The following KCND3 variants were observed in gnomAD, a reference collection of about 807,000 sequenced individuals.
KCND3 encodes A-type voltage-gated potassium channel KCND3.
KCND3 carries 9 observed loss-of-function variants against 51.1 expected under a neutral mutation model. That is an observed-to-expected ratio of 0.18 (90% CI 0.11 to 0.31). The LOEUF (loss-of-function observed/expected upper bound fraction) is 0.31. Among genes scored for constraint, KCND3 ranks in the 10% least tolerant of loss-of-function variants. The pLI, the probability that KCND3 is intolerant of heterozygous loss-of-function variation, is 1.00. For synonymous variants in KCND3, 349 were observed against 368.0 expected (o/e 0.95, Z 0.59); for missense variants, 526 against 903.8 (o/e 0.58, Z 5.36).
intron 2 of KCND3, among the ~76,000 whole-genome samples, chr1:111,902,047 G>C (rs1395564100): frequency 1.3e-5 from 2 of 152,196 alleles, no homozygotes; most frequent in Non-Finnish European, 2.9e-5. Flanking sequence ...AAAAATGCTT[G>C]AGGATTCAGA....
In KCND3 at chr1:111,981,478, G is replaced by C. The variant is rs1363985541; in HGVS notation, c.1106+143C>G. 8.2e-7 allele frequency: 1 copy of C among 1,221,176 alleles called. No individual in the cohort carries two copies. Among genetic ancestry groups the C allele is most frequent in the African/African-American group, 1.5e-5 (1 of 67,200 alleles). The allele number at this position is 1,221,176 out of a possible 1,614,324, so 75.6% of individuals were successfully genotyped here. Reference sequence around the variant, plus strand: ...AGATGACTCATGGGCTTTACCCTTCGGATAGAGCAACTTCCCCTGCCCCCA... The same window carrying C: ...AGATGACTCATGGGCTTTACCCTTCCGATAGAGCAACTTCCCCTGCCCCCA... On this transcript the variant is annotated intron_variant, in intron 2 of 7. Transcript: ENST00000302127. This position sits in a 1 kb window ranked among gnomAD's most constrained non-coding sequence, Gnocchi z 6.2.
chr1:111,852,965 G>A (rs1487883579), intron 2 of KCND3, among the ~76,000 whole-genome samples: 1 of 152,166 alleles, frequency 6.6e-6, no homozygotes, highest in Non-Finnish European at 1.5e-5. Flanking sequence ...GGTCCTCCAC[G>A]GTGATGTGAT....
chr1:111,934,502 G>A (rs568597043), intron 2 of KCND3, among the ~76,000 whole-genome samples: 30 of 152,346 alleles, frequency 2.0e-4, no homozygotes, highest in African/African-American at 7.2e-4. Flanking sequence ...GAAAGCGGTT[G>A]TCTAAATTAA....
At chr1:111,881,225 T>C (rs1303343885) in intron 2 of KCND3, among the ~76,000 whole-genome samples, 2 of 152,204 alleles carry the variant, frequency 1.3e-5, no homozygotes, top group Non-Finnish European at 2.9e-5. Context: ...CCCACCTCCA[T>C]CTTTTTTTAA....
intron 2 of KCND3, among the ~76,000 whole-genome samples, chr1:111,848,879 C>T (rs892220066): frequency 6.6e-6 from 1 of 152,182 alleles, no homozygotes; most frequent in African/African-American, 2.4e-5. Context: ...GCGCTGGCTG[C>T]CTCATCCACA....
intron 2 of KCND3, among the ~76,000 whole-genome samples, chr1:111,905,901 C>T (rs1343236674): frequency 2.0e-5 from 3 of 152,192 alleles, no homozygotes; most frequent in Admixed American, 6.5e-5. Flanking sequence ...GGACCATGTG[C>T]CTGCAGCATT....
intron 2 of KCND3, among the ~76,000 whole-genome samples, chr1:111,905,671 G>A (rs17029031): frequency 7.2e-5 from 11 of 152,208 alleles, no homozygotes; most frequent in African/African-American, 2.6e-4. Flanking sequence ...TCTGGGAGTC[G>A]CGTATAAAAC....
intron 2 of KCND3, among the ~76,000 whole-genome samples, chr1:111,883,154 C>T (rs58353271): frequency 0.098 from 14,966 of 152,312 alleles, 756 homozygotes; most frequent in East Asian, 0.18. Flanking sequence ...CTTCCAGCCC[C>T]AACTCCCGTG....
At chr1:111,795,403 A>C (rs908186277) in intron 2 of KCND3, among the ~76,000 whole-genome samples, 2 of 152,232 alleles carry the variant, frequency 1.3e-5, no homozygotes, top group African/African-American at 4.8e-5. Context: ...CACAGTGGCA[A>C]TTCAGTAATA....
chr1:111,846,477 T>A (rs762260644), intron 2 of KCND3, among the ~76,000 whole-genome samples: 3 of 152,040 alleles, frequency 2.0e-5, no homozygotes, highest in Non-Finnish European at 2.9e-5. Flanking sequence ...CAGCCAATGT[T>A]ACCTGGGGGT....
At chr1:111,866,909 T>G (rs6677695) in intron 2 of KCND3, among the ~76,000 whole-genome samples, 4,292 of 152,310 alleles carry the variant, frequency 0.028, 200 homozygotes, top group African/African-American at 0.096. Flanking sequence ...GGATTAAATA[T>G]GCAGCTTCCC....
chr1:111,782,799 C>G (rs888531669), intron 3 of KCND3, among the ~76,000 whole-genome samples: 1 of 152,140 alleles, frequency 6.6e-6, no homozygotes, highest in Non-Finnish European at 1.5e-5. Context: ...TCTATTAAAG[C>G]AACAGATTGT....
chr1:111,776,983 G>A (rs1205466803), intron 7 of KCND3, 43 bp downstream of exon 7: 11 of 1,611,856 alleles, frequency 6.8e-6, no homozygotes, highest in Non-Finnish European at 9.3e-6. Context: ...CTGTGAATGG[G>A]ATGATTCGAG....
intron 6 of KCND3, 149 bp from the exon 7 acceptor site, chr1:111,777,422 G>T: frequency 2.4e-6 from 2 of 831,774 alleles, no homozygotes; most frequent in Admixed American, 3.8e-5. Context: ...TTCAGGAGGG[G>T]TGATGTCCCA....
chr1:111,840,453 C>T (rs976587872), intron 2 of KCND3, among the ~76,000 whole-genome samples: 2 of 152,046 alleles, frequency 1.3e-5, no homozygotes, highest in Non-Finnish European at 2.9e-5. Flanking sequence ...AAGTCTCCAA[C>T]CCCCTCTAAA....
At chr1:111,860,704 G>A (rs551730499) in intron 2 of KCND3, among the ~76,000 whole-genome samples, 1 of 152,312 alleles carries the variant, frequency 6.6e-6, no homozygotes, top group South Asian at 2.1e-4. Flanking sequence ...TCAGCAGGGA[G>A]GTGACCCCTG....
chr1:111,954,637 G>A (rs1571898358), intron 2 of KCND3, among the ~76,000 whole-genome samples: 1 of 152,170 alleles, frequency 6.6e-6, no homozygotes, highest in Admixed American at 6.5e-5. Flanking sequence ...TGCCTCTAGG[G>A]CCCATGGTGT....
intron 6 of KCND3, among the ~76,000 whole-genome samples, chr1:111,777,541 C>T (rs752401160): frequency 1.3e-5 from 2 of 152,204 alleles, no homozygotes; most frequent in Non-Finnish European, 2.9e-5. Context: ...ACTTCACCTA[C>T]AGCTTTGAGC....
At chr1:111,987,586 C>A (rs1675359739) in intron 1 of KCND3, among the ~76,000 whole-genome samples, 1 of 152,222 alleles carries the variant, frequency 6.6e-6, no homozygotes, top group Admixed American at 6.5e-5. Flanking sequence ...ACCCACCCCA[C>A]AACACTGCAG....
Sources: gnomAD v4.1 joint callset for allele counts (sites outside exome capture counted in the v4.1 genomes callset) on GRCh38, gnomAD v4.1.1 for gene constraint, Gnocchi (gnomAD v3.1) non-coding constraint, MANE v1.5 for transcripts, NCBI Gene and HGNC (gene_info 2026-07-23, HGNC 2026-07-21) for gene names.